ANKS1B: variants seen among roughly 807,000 people sequenced by gnomAD.
ANKS1B encodes the protein ankyrin repeat and sterile alpha motif domain-containing protein 1B.
A neutral mutation model predicts 148.3 loss-of-function variants in ANKS1B; 36 were observed. The ratio of observed to expected loss-of-function variants is 0.24; its 90% CI spans 0.19 to 0.32. The LOEUF (loss-of-function observed/expected upper bound fraction) is 0.32, where lower values mean the gene tolerates loss of function less well. ANKS1B is among the 10% of genes least tolerant of loss of function. The pLI, the probability that ANKS1B is intolerant of heterozygous loss-of-function variation, is 1.00. For missense variants in ANKS1B, 1,157 were observed against 1,542.6 expected, an observed-to-expected ratio of 0.75 and a Z score of 4.19; for synonymous variants, 542 against 560.8, an observed-to-expected ratio of 0.97 and a Z score of 0.47.
intron 17 of ANKS1B, among the ~76,000 whole-genome samples, chr12:98,844,007 C>G (rs1476889293): frequency 6.6e-6 from 1 of 152,128 alleles, no homozygotes; most frequent in South Asian, 2.1e-4. Flanking sequence ...TCCTTCCCAT[C>G]ATGTATTAAC....
At chr12:99,396,753 A>G (rs1368853494) in intron 12 of ANKS1B, among the ~76,000 whole-genome samples, 1 of 152,142 alleles carries the variant, frequency 6.6e-6, no homozygotes, top group Non-Finnish European at 1.5e-5. Flanking sequence ...TAATTAAAAT[A>G]ATAAAGGGGA....
intron 10 of ANKS1B, among the ~76,000 whole-genome samples, chr12:99,447,955 A>C (rs2095663195): frequency 6.6e-6 from 1 of 152,092 alleles, no homozygotes; most frequent in South Asian, 2.1e-4. Context: ...GCAATAACAG[A>C]TGCTAGCAAG....
rs1341896717 is a variant in ANKS1B at position 98,771,536 on chromosome 12, T to TCTAGATCACAGCTA, written c.3579+1505_3579+1506insTAGCTGTGATCTAG. On this transcript the variant is annotated intron_variant, in intron 25 of 26. Coordinates refer to ENST00000683438, the MANE Select transcript of ANKS1B (RefSeq NM_001352186.2). Reference sequence around the variant, plus strand: ...TCACCTGGGCTAGATGGCAGTGGTGTGATCACAGCTTACTGCAGCCTCGAC... The same window carrying TCTAGATCACAGCTA: ...TCACCTGGGCTAGATGGCAGTGGTGTCTAGATCACAGCTAGATCACAGCTTACTGCAGCCTCGAC... Among the ~76,000 whole-genome samples, 9 of 152,198 alleles carry TCTAGATCACAGCTA rather than the reference T, an allele frequency of 5.9e-5. No individual in the cohort carries two copies. The East Asian group carries it at 1.7e-3, about 29-fold the overall frequency.
chr12:99,272,933 T>C (rs1349331467), intron 12 of ANKS1B, among the ~76,000 whole-genome samples: 1 of 152,210 alleles, frequency 6.6e-6, no homozygotes, highest in Non-Finnish European at 1.5e-5. Context: ...ACCCTACCAA[T>C]ATCTCTGGAT....
chr12:99,264,097 T>C (rs1433530835), intron 12 of ANKS1B, among the ~76,000 whole-genome samples: 2 of 152,162 alleles, frequency 1.3e-5, no homozygotes, highest in Non-Finnish European at 2.9e-5. Context: ...TATATGACTT[T>C]TTCCTTATCC....
At chr12:99,341,035 C>G (rs1195250646) in intron 12 of ANKS1B, 1 of 152,098 alleles carries the variant, frequency 6.6e-6, no homozygotes, top group Non-Finnish European at 1.5e-5. Flanking sequence ...ACTGTCTCCT[C>G]AAGAAGTTTT....
At chr12:99,704,527 C>T (rs2055403648) in intron 8 of ANKS1B, among the ~76,000 whole-genome samples, 1 of 151,316 alleles carries the variant, frequency 6.6e-6, no homozygotes, top group Admixed American at 6.6e-5. Context: ...TAGACACACA[C>T]ATACATACAC....
At chr12:98,942,553 TTC>T (rs1475565585) in intron 17 of ANKS1B, among the ~76,000 whole-genome samples, 1 of 152,202 alleles carries the variant, frequency 6.6e-6, no homozygotes, top group Non-Finnish European at 1.5e-5. Context: ...CAGAATGTCC[TTC>T]TCTGTTCTAG....
intron 8 of ANKS1B, among the ~76,000 whole-genome samples, chr12:99,684,295 G>A (rs1382267594): frequency 6.7e-6 from 1 of 148,370 alleles, no homozygotes; most frequent in East Asian, 2.0e-4. Flanking sequence ...ATACAAATCA[G>A]TAGCACTGCT....
At chr12:98,942,573 C>T (rs955482161) in intron 17 of ANKS1B, among the ~76,000 whole-genome samples, 1 of 152,228 alleles carries the variant, frequency 6.6e-6, no homozygotes, top group Non-Finnish European at 1.5e-5. Context: ...TAGCACTCCC[C>T]ACACTGTGTT....
At chr12:99,570,680 A>C (rs1034767702) in intron 9 of ANKS1B, among the ~76,000 whole-genome samples, 1 of 151,646 alleles carries the variant, frequency 6.6e-6, no homozygotes, top group Non-Finnish European at 1.5e-5. Flanking sequence ...ATGAAACAAG[A>C]TTGGCAAAAT....
chr12:98,869,938 A>G (rs916073518), intron 17 of ANKS1B, among the ~76,000 whole-genome samples: 6 of 152,162 alleles, frequency 3.9e-5, no homozygotes, highest in Non-Finnish European at 8.8e-5. Context: ...ATATGGCAAA[A>G]TGTCCTGAAA....
At chr12:99,608,463 C>G (rs2097868734) in intron 9 of ANKS1B, among the ~76,000 whole-genome samples, 3 of 152,096 alleles carry the variant, frequency 2.0e-5, no homozygotes, top group African/African-American at 4.8e-5. Context: ...GAGTTCACAT[C>G]CCCTATAGCA....
At chr12:99,602,726 T>A (rs1193823064) in intron 9 of ANKS1B, among the ~76,000 whole-genome samples, 1 of 152,036 alleles carries the variant, frequency 6.6e-6, no homozygotes, top group Non-Finnish European at 1.5e-5. Flanking sequence ...AAAAGAACAG[T>A]TTTAATTTCA....
chr12:99,645,997 T>C (rs944433409), intron 9 of ANKS1B, among the ~76,000 whole-genome samples: 1 of 135,324 alleles, frequency 7.4e-6, no homozygotes, highest in East Asian at 2.0e-4. Flanking sequence ...TATATGTGTA[T>C]AGCAAAAAAG....
intron 17 of ANKS1B, among the ~76,000 whole-genome samples, chr12:98,893,245 C>CGG (rs2099756440): frequency 6.6e-6 from 1 of 152,186 alleles, no homozygotes; most frequent in Non-Finnish European, 1.5e-5. Context: ...CAGAATGAAA[C>CGG]ACTTCTGAGG....
At chr12:98,910,919 C>T (rs986544347) in intron 17 of ANKS1B, among the ~76,000 whole-genome samples, 2 of 152,048 alleles carry the variant, frequency 1.3e-5, no homozygotes, top group African/African-American at 4.8e-5. Flanking sequence ...CTTAAAGTAG[C>T]CAAATCTGAC....
intron 15 of ANKS1B, among the ~76,000 whole-genome samples, chr12:99,124,481 T>G (rs1198946754): frequency 6.6e-6 from 1 of 150,704 alleles, no homozygotes; most frequent in Non-Finnish European, 1.5e-5. Context: ...AATGTTGAGA[T>G]TTCTGTGAGA....
At chr12:99,627,299 A>G (rs991194738) in intron 9 of ANKS1B, among the ~76,000 whole-genome samples, 2 of 152,222 alleles carry the variant, frequency 1.3e-5, no homozygotes, top group African/African-American at 4.8e-5. Context: ...CATTTACATG[A>G]TAGAGTAGTA....
Sources: gnomAD v4.1 joint callset for allele counts (sites outside exome capture counted in the v4.1 genomes callset) on GRCh38, gnomAD v4.1.1 for gene constraint, MANE v1.5 for transcripts, NCBI Gene and HGNC (gene_info 2026-07-23, HGNC 2026-07-21) for gene names.